The following MINPP1 variants were observed in gnomAD, a reference collection of about 807,000 sequenced individuals.
MINPP1 encodes the protein multiple inositol polyphosphate phosphatase 1.
A neutral mutation model predicts 46.1 loss-of-function variants in MINPP1; 28 were observed. The ratio of observed to expected loss-of-function variants is 0.61; its 90% CI spans 0.45 to 0.83. The LOEUF (loss-of-function observed/expected upper bound fraction) is 0.83. Ranked by LOEUF, MINPP1 falls within the 40% of genes least tolerant of loss-of-function variation. The pLI, the probability that MINPP1 is intolerant of heterozygous loss-of-function variation, is 0.00. For missense variants in MINPP1, 603 were observed against 610.0 expected (o/e 0.99, Z 0.12); for synonymous variants, 268 against 249.1 (o/e 1.08, Z -0.72).
At chr10:87,532,673 G>A (rs1184050107) in intron 4 of MINPP1, among the ~76,000 whole-genome samples, 4 of 152,342 alleles carry the variant, frequency 2.6e-5, no homozygotes, top group East Asian at 1.9e-4. Context: ...ATAAAGTACG[G>A]TTTGAGACTT....
At chr10:87,549,831 C>T (rs1237538054) in intron 4 of MINPP1, among the ~76,000 whole-genome samples, 1 of 152,226 alleles carries the variant, frequency 6.6e-6, no homozygotes, top group African/African-American at 2.4e-5. Context: ...TTTGAGGTTT[C>T]TGCCTAATGG....
intron 4 of MINPP1, among the ~76,000 whole-genome samples, chr10:87,547,775 G>A (rs1166699470): frequency 6.6e-6 from 1 of 152,120 alleles, no homozygotes; most frequent in Non-Finnish European, 1.5e-5. Flanking sequence ...TTGTGTGCTG[G>A]GTCACTTCAC....
At chr10:87,515,309 C>A (rs1263353875) in intron 3 of MINPP1, among the ~76,000 whole-genome samples, 2 of 151,874 alleles carry the variant, frequency 1.3e-5, no homozygotes, top group Non-Finnish European at 2.9e-5. Context: ...ATCGCTTGAA[C>A]CCAGGAGGTG....
intron 4 of MINPP1, among the ~76,000 whole-genome samples, chr10:87,542,734 C>T (rs1366356410): frequency 6.6e-6 from 1 of 152,220 alleles, no homozygotes; most frequent in Non-Finnish European, 1.5e-5. Flanking sequence ...GCTTCCTGTA[C>T]AGCCTGCAGA....
At chr10:87,521,942 C>G (rs538953199) in intron 4 of MINPP1, among the ~76,000 whole-genome samples, 143 of 152,308 alleles carry the variant, frequency 9.4e-4, no homozygotes, top group Non-Finnish European at 1.7e-3. Context: ...CCGTTGGTCT[C>G]CCAAAGTGTT....
intron 2 of MINPP1, among the ~76,000 whole-genome samples, chr10:87,510,252 T>A (rs748341728): frequency 5.3e-5 from 8 of 152,250 alleles, no homozygotes; most frequent in Non-Finnish European, 8.8e-5. Flanking sequence ...GCTATTTAAA[T>A]ACCCTTTTGT....
Position 87,504,955 on chromosome 10 carries a change from G to A in MINPP1, c.40G>A (p.Ala14Thr), listed in dbSNP as rs1347372229. The change falls in exon 1 of 5, where the codon GCG (alanine) becomes ACG (threonine). Residue 14 changes from alanine to threonine, a missense_variant. Transcript: ENST00000371996. ...CGGCTGCCTCCTCCGGACCTCCGTA[G>A]CGCCTGCCGCGGCCCTGGCTGCGGC... ...APGCLLRTSV[A>T]PAAALAAALL... 6.2e-7 allele frequency: 1 copy of A among 1,611,828 alleles called. No homozygotes were observed. The highest frequency in any genetic ancestry group is 1.3e-5 in the African/African-American group (1 of 75,044).
intron 4 of MINPP1, among the ~76,000 whole-genome samples, chr10:87,549,298 A>G (rs1005786879): frequency 7.9e-5 from 12 of 152,204 alleles, no homozygotes; most frequent in African/African-American, 2.9e-4. Flanking sequence ...ATTTGTGCAT[A>G]GCTCTTTTGG....
At chr10:87,539,910 A>G (rs1173039839) in intron 4 of MINPP1, among the ~76,000 whole-genome samples, 1 of 152,188 alleles carries the variant, frequency 6.6e-6, no homozygotes, top group Non-Finnish European at 1.5e-5. Context: ...TTACTCTGAC[A>G]CCCTGGAGTG....
At chr10:87,550,669 T>G (rs1851950739) in intron 4 of MINPP1, among the ~76,000 whole-genome samples, 1 of 152,094 alleles carries the variant, frequency 6.6e-6, no homozygotes, top group East Asian at 1.9e-4. Flanking sequence ...CCCCCCGTTC[T>G]GGTGTGTGTA....
chr10:87,521,985 G>GA (rs2131816031), intron 4 of MINPP1, among the ~76,000 whole-genome samples: 1 of 152,314 alleles, frequency 6.6e-6, no homozygotes, highest in Non-Finnish European at 1.5e-5. Flanking sequence ...GCACCCAGCT[G>GA]AGCACAGAGA....
intron 4 of MINPP1, among the ~76,000 whole-genome samples, 176 bp from the exon 5 acceptor site, chr10:87,551,901 AAGTTT>A (rs973500723): frequency 1.3e-5 from 2 of 152,154 alleles, no homozygotes; most frequent in Non-Finnish European, 2.9e-5. Context: ...TCAGTATAAA[AAGTTT>A]AGTTCTCTGC....
intron 2 of MINPP1, among the ~76,000 whole-genome samples, chr10:87,511,362 G>A (rs1456003449): frequency 6.6e-6 from 1 of 151,942 alleles, no homozygotes; most frequent in Non-Finnish European, 1.5e-5. Flanking sequence ...TTTTGTCTAG[G>A]AATCCTCCCA....
intron 4 of MINPP1, among the ~76,000 whole-genome samples, chr10:87,536,746 A>G (rs1851741410): frequency 6.6e-6 from 1 of 152,170 alleles, no homozygotes; most frequent in African/African-American, 2.4e-5. Context: ...ATTCCTTTTT[A>G]AGACCAAGTA....
intron 4 of MINPP1, among the ~76,000 whole-genome samples, chr10:87,529,955 G>A (rs931973061): frequency 6.6e-6 from 1 of 151,968 alleles, no homozygotes; most frequent in Non-Finnish European, 1.5e-5. Flanking sequence ...TCATTCATTT[G>A]ATCTTCAATC....
chr10:87,526,520 C>A (rs1851579173), intron 4 of MINPP1, among the ~76,000 whole-genome samples: 1 of 152,166 alleles, frequency 6.6e-6, no homozygotes, highest in African/African-American at 2.4e-5. Flanking sequence ...ATGGTAGGTT[C>A]TTTTGCCGTG....
intron 4 of MINPP1, among the ~76,000 whole-genome samples, chr10:87,542,522 C>T (rs897572508): frequency 2.0e-5 from 3 of 152,096 alleles, no homozygotes; most frequent in African/African-American, 7.2e-5. Context: ...TTGGTCTTAA[C>T]CTCCTGAGCT....
chr10:87,506,704 C>G (rs1851257303), intron 1 of MINPP1, among the ~76,000 whole-genome samples: 1 of 152,102 alleles, frequency 6.6e-6, no homozygotes, highest in Admixed American at 6.5e-5. Context: ...TTAATAGTTT[C>G]TTGATCACTT....
chr10:87,517,162 C>T (rs191993933), intron 3 of MINPP1, among the ~76,000 whole-genome samples: 7 of 151,936 alleles, frequency 4.6e-5, no homozygotes, highest in Admixed American at 6.5e-5. Flanking sequence ...CAAACTCCCA[C>T]GACACAAGTT....
Sources: gnomAD v4.1 joint callset for allele counts (sites outside exome capture counted in the v4.1 genomes callset) on GRCh38, gnomAD v4.1.1 for gene constraint, MANE v1.5 for transcripts, NCBI Gene and HGNC (gene_info 2026-07-23, HGNC 2026-07-21) for gene names.